The following RSF1 variants were observed in gnomAD, a reference collection of about 807,000 sequenced individuals.
RSF1 encodes the protein HBV pX-associated protein 8.
Under a neutral mutation model 145.2 loss-of-function variants are expected in RSF1, and 13 were observed. The ratio of observed to expected loss-of-function variants is 0.09; its 90% CI spans 0.06 to 0.14. The LOEUF is 0.14. RSF1 is among the 10% of genes least tolerant of loss of function. The pLI is 1.00. For missense variants in RSF1, 1,517 were observed against 1,718.2 expected (o/e 0.88, Z 2.07); for synonymous variants, 577 against 592.6 (o/e 0.97, Z 0.38).
intron 1 of RSF1, among the ~76,000 whole-genome samples, chr11:77,772,751 C>T (rs1948299652): frequency 6.9e-6 from 1 of 145,170 alleles, no homozygotes; most frequent in Admixed American, 7.1e-5. Flanking sequence ...TTGATAATAC[C>T]ATCTTAGAAT....
intron 5 of RSF1, among the ~76,000 whole-genome samples, chr11:77,711,372 A>G (rs889806293): frequency 2.6e-5 from 4 of 152,186 alleles, no homozygotes; most frequent in African/African-American, 9.7e-5. Flanking sequence ...GAAAAGTTTA[A>G]AAAGTTTGTG....
chr11:77,767,311 C>T (rs1366163709), intron 1 of RSF1, among the ~76,000 whole-genome samples: 1 of 152,216 alleles, frequency 6.6e-6, no homozygotes, highest in Non-Finnish European at 1.5e-5. Flanking sequence ...TTCCCTAGGA[C>T]ATGACTATAC....
chr11:77,671,282 T>A (rs936210422), intron 15 of RSF1, among the ~76,000 whole-genome samples: 7 of 147,372 alleles, frequency 4.7e-5, no homozygotes, highest in Admixed American at 4.7e-4. Flanking sequence ...TTAGAGCTTG[T>A]CTTGTACTAC....
At chr11:77,730,727 G>A (rs370728976) in intron 4 of RSF1, among the ~76,000 whole-genome samples, 20 of 152,304 alleles carry the variant, frequency 1.3e-4, no homozygotes, top group African/African-American at 4.6e-4. Flanking sequence ...TCTCGTGATA[G>A]TGAATGAGTC....
intron 1 of RSF1, among the ~76,000 whole-genome samples, chr11:77,778,722 A>G (rs1948373699): frequency 6.6e-6 from 1 of 152,162 alleles, no homozygotes; most frequent in South Asian, 2.1e-4. Context: ...CTTTGTCTTA[A>G]TTTGGGAACA....
chr11:77,770,892 A>C (rs540688270), intron 1 of RSF1, among the ~76,000 whole-genome samples: 1 of 152,322 alleles, frequency 6.6e-6, no homozygotes, highest in Admixed American at 6.5e-5. Context: ...TATAAGATGA[A>C]GTGAGTAACC....
chr11:77,747,048 T>C lies in RSF1; in HGVS notation c.360A>G (p.Leu120=). The change falls in exon 3 of 16, where the codon CTA becomes CTG. Residue 120 remains leucine (L), a synonymous_variant. Coordinates refer to ENST00000308488, the MANE Select transcript of RSF1 (RefSeq NM_016578.4). ...GYLEMSVECK[L]ALLKYLCECQ... is the part of the protein sequence containing the mutation. The stretch of plus-strand genomic sequence containing the variant: ...ATAGATTTATTACCTTTAAGAGTGC[T>C]AGTTTGCATTCAACACTCATTTCAA... The C allele has an allele frequency of 6.3e-7, 1 of 1,594,306 alleles. No individual in the cohort carries two copies. Among genetic ancestry groups the C allele is most frequent in the Middle Eastern group, 1.7e-4 (1 of 6,034 alleles).
intron 2 of RSF1, among the ~76,000 whole-genome samples, chr11:77,750,692 C>T (rs1052813317): frequency 2.0e-5 from 3 of 152,186 alleles, no homozygotes; most frequent in African/African-American, 7.2e-5. Flanking sequence ...CATGCTCCAA[C>T]TTGTTTCTGA....
Position 77,698,768 on chromosome 11 carries a change from T to C in RSF1, c.2509-75A>G, listed in dbSNP as rs569057864. 5 of 1,249,782 alleles carry C rather than the reference T, an allele frequency of 4.0e-6. No homozygotes were observed. The African/African-American group carries it at 4.5e-5, about 11-fold the overall frequency. 77.4% of individuals were successfully genotyped at this position (1,249,782 alleles called of 1,614,324 possible). ...TAAAAATCTCCTGATTACATGTCCA[T>C]TGTATAATAATATTCAGCCAATATA... On this transcript the variant is annotated intron_variant, in intron 6 of 15. Transcript: ENST00000308488.
chr11:77,691,135 A>G, intron 9 of RSF1, 24 bp downstream of exon 9: 5 of 1,600,190 alleles, frequency 3.1e-6, no homozygotes, highest in Non-Finnish European at 4.3e-6. Context: ...CCCAAACAAA[A>G]CATTAACACA....
chr11:77,813,715 G>T, intron 1 of RSF1: 1 of 419,710 alleles, frequency 2.4e-6, no homozygotes, highest in South Asian at 2.0e-5. Flanking sequence ...GTTCCTCGGC[G>T]AGAGCGAACA....
At chr11:77,743,237 T>C (rs57362996) in intron 3 of RSF1, among the ~76,000 whole-genome samples, 26,878 of 152,112 alleles carry the variant, frequency 0.18, 2,973 homozygotes, top group African/African-American at 0.29. Context: ...TGTGGTTCCA[T>C]ATGAATTTTA....
intron 1 of RSF1, among the ~76,000 whole-genome samples, chr11:77,780,437 T>A (rs1948391055): frequency 6.6e-6 from 1 of 152,192 alleles, no homozygotes; most frequent in Non-Finnish European, 1.5e-5. Context: ...ATAAACTGGC[T>A]TTTATGAAAA....
intron 1 of RSF1, among the ~76,000 whole-genome samples, chr11:77,811,726 A>G (rs1232774121): frequency 6.6e-6 from 1 of 152,218 alleles, no homozygotes; most frequent in African/African-American, 2.4e-5. Context: ...ACAGAAAAGC[A>G]AGGTTGAATA....
chr11:77,674,926 GAC>G, intron 14 of RSF1, 108 bp downstream of exon 14: 1 of 799,522 alleles, frequency 1.3e-6, no homozygotes, highest in Non-Finnish European at 1.9e-6. Context: ...TTGAACCCGG[GAC>G]ACAGAGGTTG....
intron 15 of RSF1, among the ~76,000 whole-genome samples, chr11:77,668,659 A>C (rs1272773043): frequency 2.6e-5 from 4 of 152,262 alleles, no homozygotes. Context: ...TAAACAATAC[A>C]GTATAACAAT....
intron 1 of RSF1, among the ~76,000 whole-genome samples, chr11:77,779,912 G>A (rs10899409): frequency 0.25 from 38,689 of 152,006 alleles, 5,630 homozygotes; most frequent in South Asian, 0.49. Flanking sequence ...CTAGCCTCTA[G>A]GGCTTAGCAT....
chr11:77,766,574 G>A (rs1159094005), intron 1 of RSF1, among the ~76,000 whole-genome samples: 1 of 152,064 alleles, frequency 6.6e-6, no homozygotes. Context: ...TGTGAATTAT[G>A]GGGGGTTAAG....
At chr11:77,787,817 T>A (rs949586089) in intron 1 of RSF1, among the ~76,000 whole-genome samples, 2 of 139,630 alleles carry the variant, frequency 1.4e-5, no homozygotes, top group African/African-American at 5.7e-5. Context: ...GCATTGCTAA[T>A]GTACCTTCAG....
Sources: allele counts gnomAD v4.1 joint callset (sites outside exome capture counted in the v4.1 genomes callset), GRCh38; gene constraint gnomAD v4.1.1; transcripts MANE v1.5; gene names NCBI Gene and HGNC (gene_info 2026-07-23, HGNC 2026-07-21).